The following CAMTA1 variants were observed in gnomAD, a reference collection of about 807,000 sequenced individuals.
The protein encoded by CAMTA1 is calmodulin binding transcription activator 1, also known as calmodulin-binding transcription activator 1.
In CAMTA1, 27 loss-of-function variants were observed where a neutral mutation model predicts 170.9. That is an observed-to-expected ratio of 0.16 (90% CI 0.12 to 0.22). The LOEUF (loss-of-function observed/expected upper bound fraction) is 0.22, where lower values mean the gene tolerates loss of function less well. CAMTA1 is among the 10% of genes least tolerant of loss of function. CAMTA1 has a pLI of 1.00. For synonymous variants in CAMTA1, 833 were observed against 891.5 expected, an observed-to-expected ratio of 0.93 and a Z score of 1.17; for missense variants, 1,619 against 2,217.2, an observed-to-expected ratio of 0.73 and a Z score of 5.42.
intron 5 of CAMTA1, among the ~76,000 whole-genome samples, chr1:7,258,778 A>C (rs1667768120): frequency 6.6e-6 from 1 of 152,128 alleles, no homozygotes; most frequent in South Asian, 2.1e-4. Flanking sequence ...TCCTCCCGTC[A>C]TTGGCGGCTG....
chr1:6,792,875 G>A (rs1233068453), intron 1 of CAMTA1, among the ~76,000 whole-genome samples: 1 of 152,040 alleles, frequency 6.6e-6, no homozygotes, highest in African/African-American at 2.4e-5. Flanking sequence ...TGCTCTCTAC[G>A]GTTTTGTAGT....
chr1:7,759,725 A>G (rs1433806884), intron 22 of CAMTA1, among the ~76,000 whole-genome samples: 2 of 152,236 alleles, frequency 1.3e-5, no homozygotes, highest in Non-Finnish European at 2.9e-5. Context: ...GATATTATTC[A>G]GTTGCATAGA....
At chr1:7,013,232 T>TTTTTG in intron 3 of CAMTA1, among the ~76,000 whole-genome samples, 1 of 146,650 alleles carries the variant, frequency 6.8e-6, no homozygotes, top group Non-Finnish European at 1.5e-5. Flanking sequence ...TTTTTTTTTT[T>TTTTTG]GAGATAGAGT....
chr1:7,237,271 C>A (rs769416709), intron 4 of CAMTA1, among the ~76,000 whole-genome samples: 1 of 152,126 alleles, frequency 6.6e-6, no homozygotes, highest in Non-Finnish European at 1.5e-5. Flanking sequence ...GAGCAATAGC[C>A]GGTCAACCTG....
At position 7,010,900 on chromosome 1, in the gene CAMTA1, C is replaced by A. The variant is rs1209528035; in HGVS notation, c.235-80404C>A. ...CCTGGGACCTAAGCAGGTGCCCTAA[C>A]CAGCAGCAGCTGAGCACTGAGCCCT... On this transcript the variant is annotated intron_variant, in intron 3 of 22. Transcript: ENST00000303635. The surrounding 1 kb of genome is among the most constrained non-coding windows in gnomAD (Gnocchi z 4.4). Among the ~76,000 whole-genome samples the A allele has an allele frequency of 6.6e-6, 1 of 152,240 alleles. No homozygotes were observed. Among genetic ancestry groups the A allele is most frequent in the Non-Finnish European group, 1.5e-5 (1 of 68,048 alleles).
At position 7,607,184 on chromosome 1, in the gene CAMTA1, A is replaced by AGTGGATGGATGGATGGGTAG. The variant is rs1553220299; in HGVS notation, c.511-33202_511-33183dup. On this transcript the variant is annotated intron_variant, in intron 6 of 22. Coordinates refer to ENST00000303635, the MANE Select transcript of CAMTA1 (RefSeq NM_015215.4). ...AGATGGGTGGTTGGATGGAATGATG[A>AGTGGATGGATGGATGGGTAG]GTGGATGGATGGATGGGTAGGTGGA... is the stretch of plus-strand genomic sequence containing the variant. Among the ~76,000 whole-genome samples, 6 of 138,998 alleles carry AGTGGATGGATGGATGGGTAG rather than the reference A, an allele frequency of 4.3e-5. No individual in the cohort carries two copies. In the East Asian group the frequency reaches 6.5e-4, roughly 15 times the overall value. The allele number at this position is 138,998 out of a possible 152,430, so 91.2% of individuals were successfully genotyped here.
chr1:7,211,853 C>T (rs1197746385), intron 4 of CAMTA1, among the ~76,000 whole-genome samples: 2 of 152,178 alleles, frequency 1.3e-5, no homozygotes, highest in Non-Finnish European at 2.9e-5. Flanking sequence ...ATATCCACAC[C>T]TACTTCTAAA....
intron 6 of CAMTA1, among the ~76,000 whole-genome samples, chr1:7,514,839 A>C (rs1293893394): frequency 1.3e-5 from 2 of 151,812 alleles, no homozygotes; most frequent in Non-Finnish European, 2.9e-5. Context: ...CCCGCCCCCC[A>C]CCACCCCATT....
intron 17 of CAMTA1, among the ~76,000 whole-genome samples, chr1:7,745,341 A>G (rs944804358): frequency 6.6e-6 from 1 of 152,156 alleles, no homozygotes; most frequent in Non-Finnish European, 1.5e-5. Context: ...AGCCTGGCCA[A>G]CATGGTAAAA....
chr1:6,810,467 A>G (rs1645030001), intron 1 of CAMTA1, among the ~76,000 whole-genome samples: 2 of 152,146 alleles, frequency 1.3e-5, no homozygotes. Flanking sequence ...GGTTAGAAGC[A>G]ACTTGCTAGG....
At position 7,664,594 on chromosome 1, in the gene CAMTA1, G is replaced by A; in HGVS notation, c.2047G>A (p.Ala683Thr). ...HLMQFQANFQ[A>T]MTAEGEVTME... ...CATGCAGTTCCAGGCCAACTTCCAGGCCATGACGGCAGAAGGGGAGGTCAC... is the reference window on the plus strand; with the variant it reads ...CATGCAGTTCCAGGCCAACTTCCAGACCATGACGGCAGAAGGGGAGGTCAC... Residue 683 changes from alanine (A) to threonine (T), a missense_variant, in exon 9 of 23, where the codon GCC (alanine) becomes ACC (threonine). Coordinates refer to ENST00000303635, the MANE Select transcript of CAMTA1 (RefSeq NM_015215.4). 7.4e-6 allele frequency: 12 copies of A among 1,612,278 alleles called. No homozygotes were observed. The highest frequency in any genetic ancestry group is 9.3e-6 in the Non-Finnish European group (11 of 1,179,336).
chr1:7,460,339 G>A (rs1321422921), intron 5 of CAMTA1, among the ~76,000 whole-genome samples: 1 of 152,248 alleles, frequency 6.6e-6, no homozygotes, highest in Non-Finnish European at 1.5e-5. Flanking sequence ...CCTCCGGGCT[G>A]ATCCTGCCCC....
At chr1:7,449,523 A>C (rs1288504497) in intron 5 of CAMTA1, among the ~76,000 whole-genome samples, 1 of 152,114 alleles carries the variant, frequency 6.6e-6, no homozygotes, top group African/African-American at 2.4e-5. Context: ...TAATCCCAGC[A>C]CTTTGGAAGG....
chr1:6,817,195 C>G (rs1645929757), intron 1 of CAMTA1, among the ~76,000 whole-genome samples: 1 of 152,194 alleles, frequency 6.6e-6, no homozygotes, highest in South Asian at 2.1e-4. Context: ...GTGTGTCCCA[C>G]TGAACCAAAG....
intron 5 of CAMTA1, among the ~76,000 whole-genome samples, chr1:7,255,258 C>T (rs537582448): frequency 4.6e-5 from 7 of 151,872 alleles, no homozygotes; most frequent in Admixed American, 6.6e-5. Flanking sequence ...GCATGTTCTG[C>T]ACATGTACGC....
intron 6 of CAMTA1, among the ~76,000 whole-genome samples, chr1:7,471,111 G>A (rs1010450556): frequency 2.0e-5 from 3 of 152,232 alleles, no homozygotes; most frequent in Non-Finnish European, 2.9e-5. Flanking sequence ...CTGAGTTGAC[G>A]TGGCACGTAA....
chr1:7,072,845 G>A (rs1042393600), intron 3 of CAMTA1, among the ~76,000 whole-genome samples: 2 of 152,220 alleles, frequency 1.3e-5, no homozygotes, highest in Non-Finnish European at 2.9e-5. Context: ...GAGTAGCAAG[G>A]GGACTGTGTG....
chr1:7,331,388 A>C (rs1325976912), intron 5 of CAMTA1, among the ~76,000 whole-genome samples: 1 of 152,220 alleles, frequency 6.6e-6, no homozygotes, highest in Non-Finnish European at 1.5e-5. Flanking sequence ...TTATACGCTT[A>C]AAAATGAATG....
rs558545375 is a variant in CAMTA1 at position 7,493,434 on chromosome 1, C to CACAA, written c.510+25537_510+25540dup. ...ACAAACCTACATACACACATGCACA[C>CACAA]ACAAACATACAAACACACGTGCAAA... On this transcript the variant is annotated intron_variant, in intron 6 of 22. Transcript: ENST00000303635. Among the ~76,000 whole-genome samples, 344 of 151,928 alleles carry CACAA rather than the reference C, an allele frequency of 2.3e-3. 1 individual carries two copies. Among genetic ancestry groups the CACAA allele is most frequent in the African/African-American group, 8.0e-3 (332 of 41,364 alleles).
Sources: gnomAD v4.1 joint callset for allele counts (sites outside exome capture counted in the v4.1 genomes callset) on GRCh38, gnomAD v4.1.1 for gene constraint, Gnocchi (gnomAD v3.1) non-coding constraint, MANE v1.5 for transcripts, NCBI Gene and HGNC (gene_info 2026-07-23, HGNC 2026-07-21) for gene names.